Variants in DEPDC5 observed in about 807,000 individuals in gnomAD.
The protein encoded by DEPDC5 is DEP domain containing 5, GATOR1 subcomplex subunit.
A neutral mutation model predicts 217.3 loss-of-function variants in DEPDC5; 73 were observed. That is an observed-to-expected ratio of 0.34 (90% CI 0.28 to 0.41). DEPDC5 has a LOEUF of 0.41. Among genes scored for constraint, DEPDC5 ranks in the 10% least tolerant of loss-of-function variants. The probability of loss-of-function intolerance (pLI) is 1.00; values close to 1 mark genes in which losing one functional copy is unlikely to be tolerated. For missense variants in DEPDC5, 1,675 were observed against 2,070.1 expected, an observed-to-expected ratio of 0.81 and a Z score of 3.70; for synonymous variants, 733 against 756.7, an observed-to-expected ratio of 0.97 and a Z score of 0.51.
rs1165087045 is a variant in DEPDC5, at chr22:31,907,429, C to T, written c.*932C>T. The T allele has an allele frequency of 1.3e-5, 2 of 151,966 alleles. No individual in the cohort carries two copies. The highest frequency in any genetic ancestry group is 2.9e-5 in the Non-Finnish European group (2 of 68,038). 9.4% of individuals were successfully genotyped at this position (151,966 alleles called of 1,614,324 possible). ...TTGACACAGTTTTCACTCTTGTTGC[C>T]CAGGCTGGAGTGCAATGGTGTGATC... is the stretch of plus-strand genomic sequence containing the variant. On this transcript the variant is annotated 3_prime_UTR_variant, in exon 43 of 43. Transcript: ENST00000651528.
rs1320510912 is a variant in DEPDC5 at position 31,804,889 on chromosome 22, T to C, written c.1191T>C (p.Tyr397=). The change falls in exon 17 of 43, where the codon TAT becomes TAC. Residue 397 remains tyrosine, a synonymous_variant. Coordinates refer to ENST00000651528, the MANE Select transcript of DEPDC5 (RefSeq NM_001242896.3). ...APRDSRLGDD[Y]NIPHWINHSF... is the part of the protein sequence containing the mutation. Reference sequence around the variant, plus strand: ...GTGATTCTCGTCTGGGCGATGACTATAATATCCCTCACTGGATAAACCACA... The same window carrying C: ...GTGATTCTCGTCTGGGCGATGACTACAATATCCCTCACTGGATAAACCACA... 3.1e-6 allele frequency: 5 copies of C among 1,613,984 alleles called. No homozygotes were observed. The South Asian group carries it at 5.5e-5, about 18-fold the overall frequency.
intron 27 of DEPDC5, among the ~76,000 whole-genome samples, chr22:31,842,121 T>C (rs1323791502): frequency 6.6e-6 from 1 of 152,236 alleles, no homozygotes; most frequent in African/African-American, 2.4e-5. Context: ...CTGGAAGTTT[T>C]AATTTGTAAG....
At chr22:31,772,916 G>A (rs372423724) in intron 7 of DEPDC5, among the ~76,000 whole-genome samples, 1 of 152,032 alleles carries the variant, frequency 6.6e-6, no homozygotes, top group East Asian at 1.9e-4. Context: ...TGAATAGCTG[G>A]GACTACAGGA....
chr22:31,879,887 G>A (rs1413493270), intron 38 of DEPDC5, 135 bp downstream of exon 38: 2 of 850,984 alleles, frequency 2.4e-6, no homozygotes, highest in Admixed American at 2.4e-5. Flanking sequence ...CACTGTGTCT[G>A]TCGGCACTGT....
At chr22:31,905,899 C>G in intron 41 of DEPDC5, 85 bp from the exon 42 acceptor site, 1 of 1,207,912 alleles carries the variant, frequency 8.3e-7, no homozygotes. Flanking sequence ...CTCAGGCTGT[C>G]CGAGAGTCCT....
At chr22:31,873,132 G>A (rs776922758) in intron 34 of DEPDC5, 123 bp from the exon 35 acceptor site, 2 of 1,551,912 alleles carry the variant, frequency 1.3e-6, no homozygotes, top group East Asian at 2.3e-5. Context: ...TTACTAAAAT[G>A]CCTTTAGTGT....
chr22:31,800,899 C>G (rs888386020), intron 14 of DEPDC5, among the ~76,000 whole-genome samples: 1 of 151,996 alleles, frequency 6.6e-6, no homozygotes, highest in African/African-American at 2.4e-5. Context: ...TCACTTGAAC[C>G]TGGGAGGTGG....
chr22:31,796,841 T>G (rs1321830413), intron 12 of DEPDC5, among the ~76,000 whole-genome samples: 1 of 151,768 alleles, frequency 6.6e-6, no homozygotes, highest in Non-Finnish European at 1.5e-5. Flanking sequence ...GGATTACAGG[T>G]GCCTGCCACC....
At chr22:31,799,513 C>G (rs577753687) in intron 14 of DEPDC5, among the ~76,000 whole-genome samples, 1 of 141,004 alleles carries the variant, frequency 7.1e-6, no homozygotes, top group Non-Finnish European at 1.5e-5. Context: ...GATGGAGTGT[C>G]GCTTTGTCAT....
At position 31,874,415 on chromosome 22, in the gene DEPDC5, C is replaced by G. The variant is rs755463750; in HGVS notation, c.3696+10C>G. 1 of 1,607,768 alleles carries G rather than the reference C, an allele frequency of 6.2e-7. No homozygotes were observed. Reference sequence around the variant, plus strand: ...CATTGACATCATGCAGGTGAGACAGCAAGAGGGGCCCATAGAGCTGTTTGC... The same window carrying G: ...CATTGACATCATGCAGGTGAGACAGGAAGAGGGGCCCATAGAGCTGTTTGC... On this transcript the variant is annotated intron_variant, in intron 36 of 42. Coordinates refer to ENST00000651528, the MANE Select transcript of DEPDC5 (RefSeq NM_001242896.3).
chr22:31,813,800 C>T (rs539641563), intron 20 of DEPDC5: 1 of 152,142 alleles, frequency 6.6e-6, no homozygotes, highest in African/African-American at 2.4e-5. Flanking sequence ...TTCATGACCT[C>T]TCCCACGTTT....
intron 22 of DEPDC5, among the ~76,000 whole-genome samples, chr22:31,820,781 G>A (rs1328272334): frequency 2.0e-5 from 3 of 152,058 alleles, no homozygotes; most frequent in African/African-American, 4.8e-5. Flanking sequence ...AGTTTGCTTC[G>A]CTTCTTCCTC....
chr22:31,755,037 A>G, intron 2 of DEPDC5, 58 bp downstream of exon 2: 1 of 1,592,304 alleles, frequency 6.3e-7, no homozygotes, highest in Non-Finnish European at 8.6e-7. Context: ...TGGTGTGTGC[A>G]ATACCTAGAA....
intron 8 of DEPDC5, among the ~76,000 whole-genome samples, chr22:31,780,515 C>T (rs958991900): frequency 3.9e-5 from 6 of 152,192 alleles, no homozygotes; most frequent in East Asian, 1.9e-4. Context: ...GTCCTCGCCA[C>T]GCAAACCACT....
rs765203999 is a variant in DEPDC5, at chr22:31,784,890, A to T, written c.624+15A>T. ...CCAAGTGGAAGGTACATTTCTTCTT[A>T]CACACTAAGTCTCATTATGTAAACA... On this transcript the variant is annotated intron_variant, in intron 10 of 42. Transcript: ENST00000651528. 4 of 1,607,310 alleles carry T rather than the reference A, an allele frequency of 2.5e-6. No homozygotes were observed. Among genetic ancestry groups the T allele is most frequent in the Non-Finnish European group, 3.4e-6 (4 of 1,175,412 alleles).
chr22:31,853,400 G>T (rs113947172), intron 31 of DEPDC5: 1 of 152,146 alleles, frequency 6.6e-6, no homozygotes, highest in African/African-American at 2.4e-5. Flanking sequence ...ACTGCTCCCG[G>T]GAGACGTGCT....
intron 10 of DEPDC5, 99 bp from the exon 11 acceptor site, chr22:31,791,925 CAAAAAAAAA>C (rs34494517): frequency 4.0e-4 from 50 of 124,116 alleles, no homozygotes; most frequent in Middle Eastern, 3.3e-3. Flanking sequence ...GACTCCGTCT[CAAAAAAAAA>C]AAAAAAAAAA....
chr22:31,831,725 G>A (rs1215370542), intron 24 of DEPDC5, among the ~76,000 whole-genome samples: 1 of 151,978 alleles, frequency 6.6e-6, no homozygotes, highest in Non-Finnish European at 1.5e-5. Flanking sequence ...CCTCCCAAAG[G>A]GTTGAGATTA....
intron 38 of DEPDC5, among the ~76,000 whole-genome samples, chr22:31,893,364 A>C (rs1007803187): frequency 5.9e-5 from 9 of 152,306 alleles, no homozygotes; most frequent in Admixed American, 4.6e-4. Context: ...GAGTAGTTGC[A>C]ACAGAAACCA....
Sources: allele counts gnomAD v4.1 joint callset (sites outside exome capture counted in the v4.1 genomes callset), GRCh38; gene constraint gnomAD v4.1.1; transcripts MANE v1.5; gene names NCBI Gene and HGNC (gene_info 2026-07-23, HGNC 2026-07-21).